Variants in KIRREL1 observed in about 807,000 individuals in gnomAD.
The protein encoded by KIRREL1 is kirre like nephrin family adhesion molecule 1.
A neutral mutation model predicts 83.3 loss-of-function variants in KIRREL1; 25 were observed. That is an observed-to-expected ratio of 0.30 (90% CI 0.22 to 0.42). The LOEUF is 0.42. Ranked by LOEUF, KIRREL1 falls within the 10% of genes least tolerant of loss-of-function variation. KIRREL1 has a pLI of 1.00. For missense variants in KIRREL1, 812 were observed against 1,032.3 expected, an observed-to-expected ratio of 0.79 and a Z score of 2.92; for synonymous variants, 388 against 410.4, an observed-to-expected ratio of 0.95 and a Z score of 0.66.
At chr1:158,000,954 G>A (rs1363048242) in intron 1 of KIRREL1, among the ~76,000 whole-genome samples, 2 of 152,162 alleles carry the variant, frequency 1.3e-5, no homozygotes, top group African/African-American at 4.8e-5. Context: ...GCTCTGGAAG[G>A]TGATGGGAGA....
chr1:158,060,753 A>G (rs571869089), intron 1 of KIRREL1, among the ~76,000 whole-genome samples: 2 of 152,300 alleles, frequency 1.3e-5, no homozygotes, highest in Admixed American at 6.5e-5. Context: ...TCCATGCAAT[A>G]CAAGGTATTG....
intron 1 of KIRREL1, among the ~76,000 whole-genome samples, chr1:158,056,409 C>G (rs1357778974): frequency 2.6e-5 from 4 of 152,172 alleles, no homozygotes; most frequent in African/African-American, 7.2e-5. Context: ...AGGTTCTGCA[C>G]CTGGGGAGTG....
intron 1 of KIRREL1, among the ~76,000 whole-genome samples, chr1:158,068,262 G>C (rs1187992627): frequency 6.6e-6 from 1 of 152,210 alleles, no homozygotes; most frequent in Non-Finnish European, 1.5e-5. Context: ...AATGCCGTTT[G>C]TCATTTCTCT....
At chr1:158,010,361 A>ACACACACCC (rs1491267940) in intron 1 of KIRREL1, among the ~76,000 whole-genome samples, 2 of 51,560 alleles carry the variant, frequency 3.9e-5, no homozygotes, top group African/African-American at 9.6e-5. Context: ...ACACACACAC[A>ACACACACCC]CCCCACACAG....
chr1:158,091,296 C>T (rs1050817002), intron 10 of KIRREL1, 62 bp from the exon 11 acceptor site: 68 of 1,493,184 alleles, frequency 4.6e-5, no homozygotes, highest in South Asian at 8.6e-5. Flanking sequence ...TCAGGGGACA[C>T]GTGGGCATGG....
At chr1:158,091,080 T>C (rs1357173439) in intron 10 of KIRREL1, among the ~76,000 whole-genome samples, 1 of 152,216 alleles carries the variant, frequency 6.6e-6, no homozygotes, top group Non-Finnish European at 1.5e-5. Context: ...ATTTAGGACA[T>C]AAGTCCCAAA....
At position 158,002,507 on chromosome 1, in the gene KIRREL1, CA is replaced by C. The variant is rs942704479; in HGVS notation, c.52+8780del. ...TGGAGTCCTTTGAAGAGGGTCCCAC[CA>C]GGGGGGGTGAGAGCATGTGTTCAAC... is the stretch of plus-strand genomic sequence containing the variant. On this transcript the variant is annotated intron_variant, in intron 1 of 14. Coordinates refer to ENST00000359209, the MANE Select transcript of KIRREL1 (RefSeq NM_018240.7). 1.1e-4 allele frequency among the ~76,000 whole-genome samples: 16 copies of C among 152,288 alleles called. No homozygotes were observed. The East Asian group carries it at 1.9e-3, about 18-fold the overall frequency.
chr1:158,024,101 C>A (rs990134091), intron 1 of KIRREL1, among the ~76,000 whole-genome samples: 1 of 152,046 alleles, frequency 6.6e-6, no homozygotes, highest in Non-Finnish European at 1.5e-5. Context: ...GTGCATGCCA[C>A]TGCACCTGGC....
chr1:158,086,492 T>C, intron 4 of KIRREL1, 104 bp from the exon 5 acceptor site: 1 of 1,169,338 alleles, frequency 8.6e-7, no homozygotes, highest in Non-Finnish European at 1.2e-6. Context: ...AGCTTTAAGT[T>C]AAAGTACCCC....
intron 1 of KIRREL1, among the ~76,000 whole-genome samples, chr1:158,037,072 G>A (rs990332537): frequency 6.6e-6 from 1 of 152,216 alleles, no homozygotes; most frequent in African/African-American, 2.4e-5. Flanking sequence ...AGAGGCTGCT[G>A]TGGGCCCATG....
intron 1 of KIRREL1, among the ~76,000 whole-genome samples, chr1:158,034,278 A>AG (rs948492407): frequency 1.5e-5 from 2 of 132,130 alleles, no homozygotes; most frequent in Non-Finnish European, 3.4e-5. Flanking sequence ...TCAAAAAAAA[A>AG]AAAAAAAAGA....
rs189439311 is a variant in KIRREL1 at position 158,017,293 on chromosome 1, C to A, written c.52+23565C>A. On this transcript the variant is annotated intron_variant, in intron 1 of 14. Coordinates refer to ENST00000359209, the MANE Select transcript of KIRREL1 (RefSeq NM_018240.7). ...GTCATTCCCTCAAGGTCTTTCTAGC[C>A]CTTCTTAGTTTTCTCTCCTACCCTC... 5.9e-5 allele frequency among the ~76,000 whole-genome samples: 9 copies of A among 152,266 alleles called. No individual in the cohort carries two copies. The East Asian group carries it at 1.7e-3, about 29-fold the overall frequency.
chr1:158,085,959 T>C (rs1662000991), intron 4 of KIRREL1, among the ~76,000 whole-genome samples: 1 of 152,194 alleles, frequency 6.6e-6, no homozygotes, highest in South Asian at 2.1e-4. Context: ...ACACACTGAC[T>C]ATAAGGGCAT....
At position 158,089,839 on chromosome 1, in the gene KIRREL1, C is replaced by T. The variant is rs187001204; in HGVS notation, c.1272+21C>T. ...GCATAGTGAGTGGCGGACCTGCCTG[C>T]GGACAGCCAGCCCTCCCTGCTTCTT... On this transcript the variant is annotated intron_variant, in intron 10 of 14. Coordinates refer to ENST00000359209, the MANE Select transcript of KIRREL1 (RefSeq NM_018240.7). 214 of 1,601,378 alleles carry T rather than the reference C, an allele frequency of 1.3e-4. 4 individuals are homozygous for T. In the East Asian group the frequency reaches 2.2e-3, roughly 17 times the overall value.
At position 158,097,289 on chromosome 1, in the gene KIRREL1, G is replaced by C. The variant is rs375761045; in HGVS notation, c.*2169G>C. 1,030 of 318,432 alleles carry C rather than the reference G, an allele frequency of 3.2e-3. 20 individuals are homozygous for C. Among genetic ancestry groups the C allele is most frequent in the South Asian group, 0.028 (1,009 of 36,188 alleles). 19.7% of individuals were successfully genotyped at this position (318,432 alleles called of 1,614,324 possible). On this transcript the variant is annotated 3_prime_UTR_variant, in exon 15 of 15. Coordinates refer to ENST00000359209, the MANE Select transcript of KIRREL1 (RefSeq NM_018240.7). ...AAACCATGGGGGAATCCAAAGACTT[G>C]AAGTCTAAAGATGGTGGCTTTTAAA...
intron 1 of KIRREL1, among the ~76,000 whole-genome samples, chr1:158,020,665 A>G (rs1659980849): frequency 6.9e-6 from 1 of 144,068 alleles, no homozygotes; most frequent in Non-Finnish European, 1.5e-5. Flanking sequence ...TGGATTATCC[A>G]CTTGGTAGAT....
chr1:158,091,492 C>T lies in KIRREL1; in HGVS notation c.1407C>T (p.His469=), dbSNP rs992214222. ...NNVMEADFQT[H]YNCTAWNSFG... ...TCATGGAGGCCGACTTTCAGACTCACTACAACTGCACCGCCTGGAACAGCT... is the reference window on the plus strand; with the variant it reads ...TCATGGAGGCCGACTTTCAGACTCATTACAACTGCACCGCCTGGAACAGCT... The change falls in exon 11 of 15, where the codon CAC becomes CAT. Residue 469 remains histidine, a synonymous_variant. Transcript: ENST00000359209. 4 of 1,614,146 alleles carry T rather than the reference C, an allele frequency of 2.5e-6. No homozygotes were observed. The highest frequency in any genetic ancestry group is 2.7e-5 in the African/African-American group (2 of 74,954).
intron 1 of KIRREL1, among the ~76,000 whole-genome samples, chr1:157,996,674 C>G (rs1411297323): frequency 6.6e-6 from 1 of 152,224 alleles, no homozygotes; most frequent in East Asian, 1.9e-4. Flanking sequence ...CGGTGCTACA[C>G]ATAGACACAT....
At chr1:158,028,448 G>A (rs899368368) in intron 1 of KIRREL1, among the ~76,000 whole-genome samples, 13 of 152,156 alleles carry the variant, frequency 8.5e-5, no homozygotes, top group Non-Finnish European at 1.6e-4. Context: ...CTCTTTAGTT[G>A]TTCCCAAAGC....
Sources: allele counts gnomAD v4.1 joint callset (sites outside exome capture counted in the v4.1 genomes callset), GRCh38; gene constraint gnomAD v4.1.1; transcripts MANE v1.5; gene names NCBI Gene and HGNC (gene_info 2026-07-23, HGNC 2026-07-21).